The following BRSK2 variants were observed in gnomAD, a reference collection of about 807,000 sequenced individuals.
BRSK2 encodes the protein BR serine/threonine kinase 2.
A neutral mutation model predicts 83.3 loss-of-function variants in BRSK2; 19 were observed. That is an observed-to-expected ratio of 0.23 (90% CI 0.16 to 0.33). BRSK2 has a LOEUF of 0.33. Among genes scored for constraint, BRSK2 ranks in the 10% least tolerant of loss-of-function variants. BRSK2 has a pLI of 1.00. For synonymous variants in BRSK2, 519 were observed against 435.4 expected (o/e 1.19, Z -2.39); for missense variants, 798 against 1,042.3 (o/e 0.77, Z 3.23).
chr11:1,450,799 G>C lies in BRSK2; in HGVS notation c.1495+5G>C. On this transcript the variant is annotated splice_donor_5th_base_variant and intron_variant, in intron 14 of 19. Transcript: ENST00000528841. ...TCCACCGCCGGAAACTGCAAGGTGA[G>C]TGTCTGCCCGGAGGCGCCAGAGTGG... The C allele has an allele frequency of 1.3e-6, 2 of 1,588,764 alleles. No homozygotes were observed. The highest frequency in any genetic ancestry group is 1.1e-5 in the South Asian group (1 of 88,104).
intron 3 of BRSK2, among the ~76,000 whole-genome samples, chr11:1,440,348 T>C (rs1851036903): frequency 6.6e-6 from 1 of 152,134 alleles, no homozygotes; most frequent in African/African-American, 2.4e-5. Context: ...GGCCCCTGGA[T>C]GCGGCTGCGT....
intron 2 of BRSK2, among the ~76,000 whole-genome samples, chr11:1,437,476 G>T (rs1470294305): frequency 2.6e-5 from 4 of 152,330 alleles, no homozygotes; most frequent in Middle Eastern, 6.8e-3. Context: ...TGAGGGAGGG[G>T]GCCCTGCCCT....
At chr11:1,414,578 G>A (rs1847895095) in intron 1 of BRSK2, among the ~76,000 whole-genome samples, 1 of 152,200 alleles carries the variant, frequency 6.6e-6, no homozygotes, top group South Asian at 2.1e-4. Context: ...GTTTAGTGTA[G>A]GGTGATAAAA....
chr11:1,418,480 C>T (rs1338451800), intron 1 of BRSK2, among the ~76,000 whole-genome samples: 1 of 129,244 alleles, frequency 7.7e-6, no homozygotes, highest in Non-Finnish European at 1.6e-5. Flanking sequence ...GTGGGTCACA[C>T]TGTGTCCTGC....
chr11:1,424,744 G>T (rs984339113), intron 1 of BRSK2, among the ~76,000 whole-genome samples: 4 of 151,726 alleles, frequency 2.6e-5, no homozygotes, highest in African/African-American at 7.3e-5. Flanking sequence ...AGTCGGGGGG[G>T]CCAGGCAGGG....
At chr11:1,440,717 G>C in intron 3 of BRSK2, 71 bp from the exon 4 acceptor site, 1 of 1,507,212 alleles carries the variant, frequency 6.6e-7, no homozygotes, top group Admixed American at 2.0e-5. Context: ...AGGCGGCTGT[G>C]GGAGGCCCTG....
chr11:1,414,256 G>T (rs1403484014), intron 1 of BRSK2, among the ~76,000 whole-genome samples: 1 of 152,218 alleles, frequency 6.6e-6, no homozygotes, highest in Non-Finnish European at 1.5e-5. Flanking sequence ...GGCAGGAGGA[G>T]GACGGCCTGG....
At chr11:1,419,288 A>G (rs1400247957) in intron 1 of BRSK2, among the ~76,000 whole-genome samples, 1 of 151,344 alleles carries the variant, frequency 6.6e-6, no homozygotes, top group East Asian at 1.9e-4. Context: ...GAGTCTGGGC[A>G]CCGGGGGGCC....
chr11:1,426,456 C>T (rs558951052), intron 1 of BRSK2, among the ~76,000 whole-genome samples: 9 of 152,170 alleles, frequency 5.9e-5, no homozygotes, highest in South Asian at 4.1e-4. Flanking sequence ...CAGAGCACGC[C>T]GGGGAGGACA....
chr11:1,445,444 C>T lies in BRSK2; in HGVS notation c.963C>T (p.Asp321=), dbSNP rs1851898648. ...GAGACCGCAACAAGCTGCTGCAGGA[C>T]CTGCTGTCCGAGGAGTGCGTCTGGG... The part of the protein sequence containing the change: ...CFRDRNKLLQ[D]LLSEEENQEK... The change falls in exon 10 of 20, where the codon GAC becomes GAT. Residue 321 remains aspartate, a synonymous_variant. Transcript: ENST00000528841. The T allele has an allele frequency of 1.9e-6, 3 of 1,611,850 alleles. No homozygotes were observed. Among genetic ancestry groups the T allele is most frequent in the Middle Eastern group, 1.7e-4 (1 of 6,060 alleles).
intron 1 of BRSK2, among the ~76,000 whole-genome samples, chr11:1,425,697 T>C (rs1388527645): frequency 1.3e-5 from 2 of 152,160 alleles, no homozygotes; most frequent in Non-Finnish European, 2.9e-5. Context: ...CCACTCTGTG[T>C]CCTCTCCACT....
intron 8 of BRSK2, among the ~76,000 whole-genome samples, chr11:1,444,198 G>A (rs1270702621): frequency 6.9e-6 from 1 of 145,098 alleles, no homozygotes; most frequent in African/African-American, 2.5e-5. Flanking sequence ...GCTGGGGCAA[G>A]CTCCAGGCAG....
chr11:1,390,505 G>A lies in BRSK2; in HGVS notation c.91+130G>A. ...CCCGGGCCCCGGCCGCGAACAATGG[G>A]CGGCCCGTGCGCCCCCGTCCGCTCG... On this transcript the variant is annotated intron_variant, in intron 1 of 19. Coordinates refer to ENST00000528841, the MANE Select transcript of BRSK2 (RefSeq NM_001256627.2). This position sits in a 1 kb window ranked among gnomAD's most constrained non-coding sequence, Gnocchi z 6.8. 3 of 300,904 alleles carry A rather than the reference G, an allele frequency of 1.0e-5. No individual in the cohort carries two copies. Among genetic ancestry groups the A allele is most frequent in the Non-Finnish European group, 1.5e-5 (3 of 206,724 alleles). The allele number at this position is 300,904 out of a possible 1,614,324, so 18.6% of individuals were successfully genotyped here. A position where few individuals can be genotyped will look rare whatever the true frequency, so the allele number is the denominator to read the frequency against.
At chr11:1,402,488 G>A (rs534680647) in intron 1 of BRSK2, among the ~76,000 whole-genome samples, 2 of 152,332 alleles carry the variant, frequency 1.3e-5, no homozygotes, top group East Asian at 1.9e-4. Context: ...GAGGAGCATT[G>A]CAAAGGGTGG....
chr11:1,450,676 G>GCCCAAC lies in BRSK2; in HGVS notation c.1382_1387dup (p.Asn461_Pro462dup). The stretch of plus-strand genomic sequence containing the variant: ...CGCCAAAGGAGAGCCCGGCTGGCAC[G>GCCCAAC]CCCAACCCCACGCCCCCGTCCAGCC... On this transcript the variant is annotated inframe_insertion, in exon 14 of 20. Transcript: ENST00000528841. The GCCCAAC allele has an allele frequency of 6.2e-7, 1 of 1,608,928 alleles. No homozygotes were observed. Among genetic ancestry groups the GCCCAAC allele is most frequent in the Non-Finnish European group, 8.5e-7 (1 of 1,178,546 alleles).
intron 1 of BRSK2, among the ~76,000 whole-genome samples, chr11:1,405,985 C>T (rs1016369185): frequency 1.3e-5 from 2 of 152,122 alleles, no homozygotes; most frequent in Non-Finnish European, 2.9e-5. Context: ...CACAAGCCCC[C>T]ACAGGCTCCT....
intron 12 of BRSK2, chr11:1,447,941 G>C: frequency 7.1e-7 from 1 of 1,399,134 alleles, no homozygotes; most frequent in Non-Finnish European, 9.8e-7. Context: ...CAGGCACATG[G>C]GCGGGTCTGG....
chr11:1,452,355 C>A (rs1845905636), intron 15 of BRSK2, among the ~76,000 whole-genome samples: 1 of 152,260 alleles, frequency 6.6e-6, no homozygotes, highest in African/African-American at 2.4e-5. Context: ...GGTATTGTCG[C>A]AAGCCCAGAT....
intron 18 of BRSK2, among the ~76,000 whole-genome samples, chr11:1,458,559 C>G (rs1226571474): frequency 6.6e-6 from 1 of 152,204 alleles, no homozygotes; most frequent in Non-Finnish European, 1.5e-5. Flanking sequence ...ACTGCCCACC[C>G]CCCCAGAGAC....
Sources: gnomAD v4.1 joint callset for allele counts (sites outside exome capture counted in the v4.1 genomes callset) on GRCh38, gnomAD v4.1.1 for gene constraint, Gnocchi (gnomAD v3.1) non-coding constraint, MANE v1.5 for transcripts, NCBI Gene and HGNC (gene_info 2026-07-23, HGNC 2026-07-21) for gene names.